NELL1: variants seen among roughly 807,000 people sequenced by gnomAD.
NELL1 encodes neural EGFL like 1.
Under a neutral mutation model 107.4 loss-of-function variants are expected in NELL1, and 76 were observed. The observed-to-expected ratio is 0.71, with a 90% CI of 0.59 to 0.86. The LOEUF is 0.86. Ranked by LOEUF, NELL1 falls within the 40% of genes least tolerant of loss-of-function variation. The pLI, the probability that NELL1 is intolerant of heterozygous loss-of-function variation, is 0.00. For missense variants in NELL1, 1,024 were observed against 1,005.5 expected (o/e 1.02, Z -0.25); for synonymous variants, 353 against 341.2 (o/e 1.03, Z -0.38).
chr11:20,722,131 C>T (rs975147614), intron 2 of NELL1, among the ~76,000 whole-genome samples: 1 of 151,930 alleles, frequency 6.6e-6, no homozygotes, highest in African/African-American at 2.4e-5. Context: ...AGTGATCCTC[C>T]CGCCTCAGCC....
At chr11:20,750,019 G>A (rs1188183570) in intron 2 of NELL1, among the ~76,000 whole-genome samples, 3 of 152,098 alleles carry the variant, frequency 2.0e-5, no homozygotes, top group Non-Finnish European at 4.4e-5. Context: ...AACCGCCAAC[G>A]AGTTCTCCAA....
chr11:21,079,519 C>T (rs1854216383), intron 12 of NELL1, among the ~76,000 whole-genome samples: 1 of 151,950 alleles, frequency 6.6e-6, no homozygotes, highest in South Asian at 2.1e-4. Flanking sequence ...AATTATTTGG[C>T]TATACACAGT....
chr11:20,731,289 T>G (rs1470189992), intron 2 of NELL1, among the ~76,000 whole-genome samples: 3 of 152,202 alleles, frequency 2.0e-5, no homozygotes, highest in Non-Finnish European at 4.4e-5. Context: ...ACTTTGGAAA[T>G]TACCTGCTGA....
chr11:21,547,849 G>A (rs891645655), intron 16 of NELL1, among the ~76,000 whole-genome samples: 12 of 151,868 alleles, frequency 7.9e-5, no homozygotes, highest in Non-Finnish European at 1.2e-4. Flanking sequence ...GAACAGTGAG[G>A]TCTGAATTTT....
chr11:21,087,633 G>A (rs1322651059), intron 12 of NELL1, among the ~76,000 whole-genome samples: 1 of 152,068 alleles, frequency 6.6e-6, no homozygotes, highest in Non-Finnish European at 1.5e-5. Context: ...TAAACACCAG[G>A]GTCAGCTGAA....
intron 2 of NELL1, among the ~76,000 whole-genome samples, chr11:20,709,978 G>A (rs1386332411): frequency 1.3e-5 from 2 of 151,992 alleles, no homozygotes; most frequent in African/African-American, 2.4e-5. Flanking sequence ...CTAGATATAC[G>A]ATCATATCTT....
intron 13 of NELL1, among the ~76,000 whole-genome samples, chr11:21,200,216 G>A (rs929161802): frequency 1.1e-4 from 16 of 152,166 alleles, no homozygotes; most frequent in East Asian, 9.7e-4. Context: ...TTGAGGAATC[G>A]CCACACTGTC....
chr11:21,496,723 A>C (rs1854990348), intron 15 of NELL1, among the ~76,000 whole-genome samples: 1 of 151,804 alleles, frequency 6.6e-6, no homozygotes, highest in South Asian at 2.1e-4. Context: ...TTTTCTTTGT[A>C]TTTCTACTTT....
chr11:21,276,237 A>G (rs532794358), intron 14 of NELL1, among the ~76,000 whole-genome samples: 2,844 of 152,316 alleles, frequency 0.019, 95 homozygotes, highest in African/African-American at 0.065. Flanking sequence ...AAAAATCACA[A>G]GCATTCTTAT....
chr11:20,797,365 C>T (rs1005019974), intron 3 of NELL1, among the ~76,000 whole-genome samples: 10 of 151,690 alleles, frequency 6.6e-5, no homozygotes, highest in Admixed American at 6.6e-4. Flanking sequence ...GAGATCGAGA[C>T]CATCCTGGCT....
rs557341587 is a variant in NELL1, at chr11:21,174,928, G to A, written c.1427-54404G>A. ...GTTCATTCTTATTGACATTCAATAA[G>A]TAAAGCACTCTAAATTTCTGTACCT... On this transcript the variant is annotated intron_variant, in intron 13 of 19. Transcript: ENST00000357134. Among the ~76,000 whole-genome samples the A allele has an allele frequency of 3.4e-4, 52 of 151,804 alleles. 2 individuals are homozygous for A. The South Asian group carries it at 8.9e-3, about 26-fold the overall frequency.
chr11:20,863,496 C>T (rs1849029162), intron 4 of NELL1, among the ~76,000 whole-genome samples: 1 of 149,148 alleles, frequency 6.7e-6, no homozygotes, highest in African/African-American at 2.5e-5. Flanking sequence ...ACGCTCCTCA[C>T]CTCCCAGACG....
intron 12 of NELL1, among the ~76,000 whole-genome samples, chr11:21,082,677 A>T (rs1162876265): frequency 5.9e-5 from 9 of 151,994 alleles, no homozygotes; most frequent in Admixed American, 5.2e-4. Context: ...TTTTTCTCAG[A>T]CTTATCTCTG....
At chr11:21,365,033 T>C (rs1851186146) in intron 14 of NELL1, among the ~76,000 whole-genome samples, 1 of 152,194 alleles carries the variant, frequency 6.6e-6, no homozygotes, top group Non-Finnish European at 1.5e-5. Flanking sequence ...CATTCATTCT[T>C]CCAGGCCCAT....
At chr11:21,063,010 A>G (rs73448953) in intron 12 of NELL1, among the ~76,000 whole-genome samples, 12,927 of 147,008 alleles carry the variant, frequency 0.088, 662 homozygotes, top group African/African-American at 0.14. Flanking sequence ...GTGTGTGTGT[A>G]TGTGTATATG....
intron 3 of NELL1, among the ~76,000 whole-genome samples, chr11:20,809,770 T>C (rs1470961755): frequency 6.6e-6 from 1 of 152,250 alleles, no homozygotes; most frequent in East Asian, 1.9e-4. Flanking sequence ...CATTTATTCA[T>C]TGATGGACAT....
intron 15 of NELL1, 21 bp from the exon 16 acceptor site, chr11:21,534,353 T>C (rs761933574): frequency 4.0e-5 from 65 of 1,613,406 alleles, no homozygotes; most frequent in South Asian, 2.7e-4. Context: ...CCTGGTGGGC[T>C]TGTGTTTTTC....
chr11:20,706,683 AAAAG>A (rs1341559035), intron 2 of NELL1, among the ~76,000 whole-genome samples: 1 of 152,142 alleles, frequency 6.6e-6, no homozygotes. Context: ...AAATAAAAAA[AAAAG>A]GAATGTTGAA....
intron 2 of NELL1, among the ~76,000 whole-genome samples, chr11:20,704,005 A>T (rs1301497772): frequency 6.6e-6 from 1 of 152,206 alleles, no homozygotes; most frequent in Non-Finnish European, 1.5e-5. Flanking sequence ...AGAGTTCTGT[A>T]GATGTCTATT....
Sources: gnomAD v4.1 joint callset for allele counts (sites outside exome capture counted in the v4.1 genomes callset) on GRCh38, gnomAD v4.1.1 for gene constraint, MANE v1.5 for transcripts, NCBI Gene and HGNC (gene_info 2026-07-23, HGNC 2026-07-21) for gene names.